Variants in GALNT2 observed in about 807,000 individuals in gnomAD.
GALNT2 encodes UDP-GalNAc:polypeptide N-acetylgalactosaminyltransferase 2.
Under a neutral mutation model 81.4 loss-of-function variants are expected in GALNT2, and 31 were observed. The observed-to-expected ratio is 0.38, with a 90% CI of 0.29 to 0.51. The LOEUF (loss-of-function observed/expected upper bound fraction) is 0.51, where lower values mean the gene tolerates loss of function less well. Ranked by LOEUF, GALNT2 falls within the 20% of genes least tolerant of loss-of-function variation. The pLI is 0.87. For synonymous variants in GALNT2, 303 were observed against 287.4 expected, an observed-to-expected ratio of 1.05 and a Z score of -0.55; for missense variants, 629 against 765.7, an observed-to-expected ratio of 0.82 and a Z score of 2.11.
At chr1:230,079,508 G>A (rs1262513036) in intron 1 of GALNT2, among the ~76,000 whole-genome samples, 3 of 152,230 alleles carry the variant, frequency 2.0e-5, no homozygotes, top group South Asian at 4.1e-4. Flanking sequence ...CCTAAAGTAC[G>A]GCTCTGGAGA....
At chr1:230,200,930 G>A (rs922246861) in intron 2 of GALNT2, among the ~76,000 whole-genome samples, 4 of 152,210 alleles carry the variant, frequency 2.6e-5, no homozygotes, top group African/African-American at 7.2e-5. Flanking sequence ...GAATTCTGCC[G>A]TAGGTGCTGC....
chr1:230,109,439 GGTCT>G (rs1257523133), intron 1 of GALNT2, among the ~76,000 whole-genome samples: 1 of 152,218 alleles, frequency 6.6e-6, no homozygotes, highest in Non-Finnish European at 1.5e-5. Flanking sequence ...GGGGGACAGA[GGTCT>G]GTCTGGGACT....
At chr1:230,134,311 G>A (rs572681139) in intron 1 of GALNT2, among the ~76,000 whole-genome samples, 52 of 152,170 alleles carry the variant, frequency 3.4e-4, no homozygotes, top group African/African-American at 9.9e-4. Context: ...GTTTCACCAC[G>A]TTAGCCAGGG....
intron 3 of GALNT2, among the ~76,000 whole-genome samples, chr1:230,230,457 C>T (rs761380631): frequency 6.6e-5 from 10 of 152,168 alleles, no homozygotes; most frequent in Non-Finnish European, 1.0e-4. Context: ...CTCATAGACA[C>T]GCAGTTAGAC....
intron 1 of GALNT2, among the ~76,000 whole-genome samples, chr1:230,130,481 C>T (rs566201379): frequency 2.3e-4 from 35 of 152,312 alleles, no homozygotes; most frequent in African/African-American, 7.2e-4. Context: ...TGTTTACCCC[C>T]ACTGTTGGAT....
chr1:230,125,755 C>T (rs1661155065), intron 1 of GALNT2, among the ~76,000 whole-genome samples: 1 of 152,134 alleles, frequency 6.6e-6, no homozygotes, highest in African/African-American at 2.4e-5. Flanking sequence ...GAGCACTTTC[C>T]AACAGTGACA....
At chr1:230,273,334 AG>A (rs1666201593) in intron 14 of GALNT2, among the ~76,000 whole-genome samples, 1 of 152,244 alleles carries the variant, frequency 6.6e-6, no homozygotes, top group African/African-American at 2.4e-5. Context: ...GGTGTGCAGC[AG>A]GTGGTCATGG....
intron 1 of GALNT2, among the ~76,000 whole-genome samples, chr1:230,088,205 G>T (rs1659953855): frequency 6.6e-6 from 1 of 152,030 alleles, no homozygotes; most frequent in African/African-American, 2.4e-5. Context: ...GTGAAACTTT[G>T]TCATCTTGCA....
chr1:230,083,073 G>C (rs1659787934), intron 1 of GALNT2, among the ~76,000 whole-genome samples: 1 of 150,416 alleles, frequency 6.6e-6, no homozygotes, highest in African/African-American at 2.5e-5. Context: ...GGGAAGCCGG[G>C]ATGATGGAGC....
chr1:230,272,954 T>G (rs1322080446), intron 14 of GALNT2, among the ~76,000 whole-genome samples: 2 of 152,120 alleles, frequency 1.3e-5, no homozygotes, highest in African/African-American at 4.8e-5. Context: ...TTATTTTTAG[T>G]ACAAACAAGG....
intron 1 of GALNT2, among the ~76,000 whole-genome samples, chr1:230,112,449 G>A (rs560952697): frequency 2.4e-4 from 37 of 151,946 alleles, no homozygotes; most frequent in African/African-American, 8.0e-4. Flanking sequence ...TCATGGAGTC[G>A]CAGAGATCAG....
At chr1:230,210,228 G>A (rs898807134) in intron 3 of GALNT2, among the ~76,000 whole-genome samples, 2 of 152,184 alleles carry the variant, frequency 1.3e-5, no homozygotes, top group African/African-American at 4.8e-5. Context: ...CTCTCTACTA[G>A]GGAAAACTTG....
At chr1:230,100,621 C>T (rs1026520785) in intron 1 of GALNT2, among the ~76,000 whole-genome samples, 5 of 152,176 alleles carry the variant, frequency 3.3e-5, no homozygotes, top group African/African-American at 4.8e-5. Flanking sequence ...CCACAGCACC[C>T]GGCGTTTTTA....
chr1:230,191,940 G>A (rs760850504), intron 2 of GALNT2, among the ~76,000 whole-genome samples: 3 of 152,226 alleles, frequency 2.0e-5, no homozygotes, highest in Non-Finnish European at 4.4e-5. Flanking sequence ...CTGGACATTA[G>A]GGACTGTAAT....
intron 6 of GALNT2, among the ~76,000 whole-genome samples, chr1:230,240,203 G>C (rs1180889966): frequency 1.3e-5 from 2 of 152,144 alleles, no homozygotes; most frequent in African/African-American, 2.4e-5. Flanking sequence ...ACAATCTCAG[G>C]TTTTATCTGA....
intron 1 of GALNT2, among the ~76,000 whole-genome samples, chr1:230,177,615 A>G (rs1188980320): frequency 6.6e-6 from 1 of 152,236 alleles, no homozygotes; most frequent in African/African-American, 2.4e-5. Context: ...CTTATATCTT[A>G]TTCTGTTTTC....
At chr1:230,058,982 G>C (rs1343203770) in intron 1 of GALNT2, among the ~76,000 whole-genome samples, 1 of 152,152 alleles carries the variant, frequency 6.6e-6, no homozygotes, top group Non-Finnish European at 1.5e-5. Flanking sequence ...CAGTTTGGTG[G>C]GAGGGGCGTG....
chr1:230,255,657 G>A (rs1436855870), intron 11 of GALNT2, among the ~76,000 whole-genome samples: 1 of 152,112 alleles, frequency 6.6e-6, no homozygotes, highest in Non-Finnish European at 1.5e-5. Context: ...AGGAAAGCGG[G>A]GAGTGTGACT....
intron 3 of GALNT2, among the ~76,000 whole-genome samples, chr1:230,226,587 C>G (rs185512638): frequency 6.6e-6 from 1 of 152,180 alleles, no homozygotes; most frequent in Non-Finnish European, 1.5e-5. Context: ...GAAAGGTCCA[C>G]GTGGCTGCAG....
Sources: gnomAD v4.1 joint callset for allele counts (sites outside exome capture counted in the v4.1 genomes callset) on GRCh38, gnomAD v4.1.1 for gene constraint, MANE v1.5 for transcripts, NCBI Gene and HGNC (gene_info 2026-07-23, HGNC 2026-07-21) for gene names.